The following CDK14 variants were observed in gnomAD, a reference collection of about 807,000 sequenced individuals.
CDK14 encodes cyclin-dependent kinase 14.
CDK14 carries 34 observed loss-of-function variants against 60.7 expected under a neutral mutation model. That is an observed-to-expected ratio of 0.56 (90% CI 0.43 to 0.75). The LOEUF (loss-of-function observed/expected upper bound fraction) is 0.75. Ranked by LOEUF, CDK14 falls within the 30% of genes least tolerant of loss-of-function variation. The pLI, the probability that CDK14 is intolerant of heterozygous loss-of-function variation, is 0.00. For missense variants in CDK14, 482 were observed against 564.1 expected (o/e 0.85, Z 1.47); for synonymous variants, 197 against 203.7 (o/e 0.97, Z 0.28).
intron 2 of CDK14, among the ~76,000 whole-genome samples, chr7:90,641,461 A>T (rs1800329929): frequency 6.6e-6 from 1 of 152,208 alleles, no homozygotes; most frequent in African/African-American, 2.4e-5. Flanking sequence ...TGAAGTACTG[A>T]TAGATGCTGC....
chr7:90,859,925 G>A (rs1369186285), intron 5 of CDK14, among the ~76,000 whole-genome samples: 2 of 151,902 alleles, frequency 1.3e-5, no homozygotes, highest in African/African-American at 4.8e-5. Context: ...TAGAATATAG[G>A]CAGAATGTTT....
chr7:90,811,528 A>G (rs185178885), intron 5 of CDK14, among the ~76,000 whole-genome samples: 2,301 of 152,278 alleles, frequency 0.015, 46 homozygotes, highest in African/African-American at 0.051. Context: ...AAGAAAACCT[A>G]GGCAATACCA....
At chr7:91,203,322 A>G (rs1434293634) in intron 14 of CDK14, among the ~76,000 whole-genome samples, 3 of 152,182 alleles carry the variant, frequency 2.0e-5, no homozygotes, top group Non-Finnish European at 4.4e-5. Context: ...TTCTGATTCT[A>G]CAATTTCCCC....
chr7:90,964,766 G>A (rs1794705420), intron 9 of CDK14, among the ~76,000 whole-genome samples: 1 of 152,092 alleles, frequency 6.6e-6, no homozygotes, highest in South Asian at 2.1e-4. Context: ...ACTTGCTTCT[G>A]TCAACCTTAC....
chr7:90,932,729 T>G (rs1389926919), intron 8 of CDK14, among the ~76,000 whole-genome samples: 1 of 152,210 alleles, frequency 6.6e-6, no homozygotes, highest in Non-Finnish European at 1.5e-5. Context: ...GAGTATGGCC[T>G]AGCTGGGTGC....
At chr7:90,686,122 T>C (rs1293424519) in intron 2 of CDK14, among the ~76,000 whole-genome samples, 1 of 152,166 alleles carries the variant, frequency 6.6e-6, no homozygotes, top group Non-Finnish European at 1.5e-5. Flanking sequence ...TTCATAAGAA[T>C]AATGAGATGA....
chr7:91,119,382 G>A (rs1048766209), intron 14 of CDK14, among the ~76,000 whole-genome samples: 6 of 152,180 alleles, frequency 3.9e-5, no homozygotes, highest in South Asian at 4.1e-4. Context: ...TACTTGGGAG[G>A]CTGAGGTGGG....
At chr7:91,000,798 A>G (rs1000277447) in intron 10 of CDK14, among the ~76,000 whole-genome samples, 1 of 152,240 alleles carries the variant, frequency 6.6e-6, no homozygotes, top group Non-Finnish European at 1.5e-5. Flanking sequence ...TGTGAAGCGA[A>G]TCATCTAGAA....
At chr7:90,777,477 G>T (rs1251490477) in intron 4 of CDK14, among the ~76,000 whole-genome samples, 2 of 152,198 alleles carry the variant, frequency 1.3e-5, no homozygotes, top group Non-Finnish European at 2.9e-5. Flanking sequence ...TTCAGTCCTG[G>T]TTGCACGTTA....
chr7:90,728,607 T>G (rs1802729571), intron 3 of CDK14, among the ~76,000 whole-genome samples: 1 of 152,208 alleles, frequency 6.6e-6, no homozygotes, highest in South Asian at 2.1e-4. Flanking sequence ...GAATTTTTTT[T>G]CCTTTTACAT....
At chr7:90,618,112 G>C in intron 2 of CDK14, among the ~76,000 whole-genome samples, 1 of 152,182 alleles carries the variant, frequency 6.6e-6, no homozygotes, top group East Asian at 1.9e-4. Context: ...TAGCTTGTGC[G>C]TGTGAAGCCA....
intron 2 of CDK14, among the ~76,000 whole-genome samples, chr7:90,649,523 C>A (rs1312446632): frequency 6.8e-6 from 1 of 148,104 alleles, no homozygotes; most frequent in Non-Finnish European, 1.5e-5. Flanking sequence ...AGGTTTGTTA[C>A]ATAGATGTAC....
intron 10 of CDK14, among the ~76,000 whole-genome samples, chr7:91,040,097 A>G (rs370737466): frequency 1.3e-5 from 2 of 152,022 alleles, no homozygotes; most frequent in East Asian, 1.9e-4. Flanking sequence ...AAATAAAACA[A>G]TTCCTTCTCA....
At chr7:91,197,766 A>G (rs1204929512) in intron 14 of CDK14, among the ~76,000 whole-genome samples, 1 of 152,246 alleles carries the variant, frequency 6.6e-6, no homozygotes, top group Non-Finnish European at 1.5e-5. Context: ...CATTCCGTTA[A>G]TTATGTCTTT....
intron 2 of CDK14, among the ~76,000 whole-genome samples, chr7:90,648,549 A>G (rs1057072079): frequency 6.6e-6 from 1 of 152,054 alleles, no homozygotes; most frequent in Non-Finnish European, 1.5e-5. Flanking sequence ...GGGAATGACT[A>G]CCTTCTGGCC....
intron 3 of CDK14, among the ~76,000 whole-genome samples, chr7:90,739,417 A>T (rs1554324592): frequency 7.2e-5 from 11 of 152,038 alleles, no homozygotes; most frequent in African/African-American, 7.2e-5. Flanking sequence ...TTTTATTAAA[A>T]TTTTTTTTGT....
chr7:91,099,380 A>G (rs1670853388), intron 12 of CDK14, among the ~76,000 whole-genome samples: 2 of 152,290 alleles, frequency 1.3e-5, no homozygotes, highest in Middle Eastern at 3.4e-3. Context: ...CACCCATTCA[A>G]TCTTTTATCA....
intron 14 of CDK14, among the ~76,000 whole-genome samples, chr7:91,157,307 C>T (rs999077256): frequency 6.6e-6 from 1 of 152,138 alleles, no homozygotes; most frequent in Admixed American, 6.5e-5. Context: ...CTCAAAGGCC[C>T]CATAGTGCTT....
intron 4 of CDK14, among the ~76,000 whole-genome samples, chr7:90,783,270 T>C (rs1805422430): frequency 6.6e-6 from 1 of 152,282 alleles, no homozygotes; most frequent in East Asian, 1.9e-4. Context: ...GTTAGTCACA[T>C]CCTAATAAAT....
Sources: allele counts gnomAD v4.1 joint callset (sites outside exome capture counted in the v4.1 genomes callset), GRCh38; gene constraint gnomAD v4.1.1; transcripts MANE v1.5; gene names NCBI Gene and HGNC (gene_info 2026-07-23, HGNC 2026-07-21).